The following SLA2 variants were observed in gnomAD, a reference collection of about 807,000 sequenced individuals.
The protein encoded by SLA2 is src-like-adapter 2.
A neutral mutation model predicts 27.3 loss-of-function variants in SLA2; 22 were observed. The ratio of observed to expected loss-of-function variants is 0.81; its 90% CI spans 0.58 to 1.15. SLA2 has a LOEUF of 1.15. Among genes scored for constraint, SLA2 ranks in the 50% most tolerant of loss-of-function variants. SLA2 has a pLI of 0.00. For synonymous variants in SLA2, 131 were observed against 137.8 expected (o/e 0.95, Z 0.34); for missense variants, 304 against 322.2 (o/e 0.94, Z 0.43).
At chr20:36,642,543 A>G (rs1234370456) in intron 1 of SLA2, among the ~76,000 whole-genome samples, 1 of 152,018 alleles carries the variant, frequency 6.6e-6, no homozygotes, top group African/African-American at 2.4e-5. Context: ...AGCTGGGATT[A>G]CAGACATTAG....
intron 1 of SLA2, among the ~76,000 whole-genome samples, chr20:36,642,225 G>A (rs1207314101): frequency 6.0e-5 from 2 of 33,214 alleles, no homozygotes; most frequent in East Asian, 2.1e-3. Flanking sequence ...ATGCAGTGAT[G>A]ACTTGCAAGG....
rs185853679 is a variant in SLA2, at chr20:36,612,677, C to T, written c.*1189G>A. ...TTTCTTCCTCTCCCTGATCCCTTAGCGGATCCAGCAGACCTCTTTCTGTTT... is the reference window on the plus strand; with the variant it reads ...TTTCTTCCTCTCCCTGATCCCTTAGTGGATCCAGCAGACCTCTTTCTGTTT... On this transcript the variant is annotated 3_prime_UTR_variant, in exon 8 of 8. Transcript: ENST00000262866. 3.4e-4 allele frequency: 76 copies of T among 223,126 alleles called. No individual in the cohort carries two copies. In the East Asian group the frequency reaches 7.4e-3, roughly 22 times the overall value. 13.8% of individuals were successfully genotyped at this position (223,126 alleles called of 1,614,324 possible).
At chr20:36,622,438 A>C (rs1298605900) in intron 5 of SLA2, among the ~76,000 whole-genome samples, 1 of 144,142 alleles carries the variant, frequency 6.9e-6, no homozygotes, top group African/African-American at 2.9e-5. Context: ...AACACCCTTC[A>C]TGATTAAAAA....
chr20:36,614,757 A>G (rs1336968289), intron 6 of SLA2: 1 of 985,304 alleles, frequency 1.0e-6, no homozygotes, highest in Admixed American at 6.2e-5. Context: ...CTACTTCCAC[A>G]CAGAGTGACC....
chr20:36,614,201 G>A (rs1295182464), intron 7 of SLA2, 104 bp downstream of exon 7: 1 of 1,572,380 alleles, frequency 6.4e-7, no homozygotes, highest in Non-Finnish European at 8.7e-7. Flanking sequence ...CAGCTGCCAG[G>A]TGTCCCTGAG....
intron 2 of SLA2, among the ~76,000 whole-genome samples, chr20:36,640,410 A>G (rs186254168): frequency 6.6e-6 from 1 of 152,148 alleles, no homozygotes; most frequent in African/African-American, 2.4e-5. Context: ...TTCTGCAACA[A>G]TGGAAATGTT....
At chr20:36,636,427 C>CAAAAAAAAAAAAAAAAAA (rs71186007) in intron 2 of SLA2, among the ~76,000 whole-genome samples, 6 of 61,436 alleles carry the variant, frequency 9.8e-5, no homozygotes, top group African/African-American at 4.2e-4. Context: ...GACTCCGTCT[C>CAAAAAAAAAAAAAAAAAA]AAAAAAAAAA....
chr20:36,613,732 G>T lies in SLA2; in HGVS notation c.*134C>A. The stretch of plus-strand genomic sequence containing the variant: ...AAGAGAGGAAAGAGCAAGGGTACAG[G>T]TGGGACCCTAGATGCACCTCTGTGT... On this transcript the variant is annotated 3_prime_UTR_variant, in exon 8 of 8. Transcript: ENST00000262866. The T allele has an allele frequency of 9.0e-7, 1 of 1,107,260 alleles. No homozygotes were observed. The highest frequency in any genetic ancestry group is 1.3e-6 in the Non-Finnish European group (1 of 780,526). The allele number at this position is 1,107,260 out of a possible 1,614,324, so 68.6% of individuals were successfully genotyped here. A position where few individuals can be genotyped will look rare whatever the true frequency, so the allele number is the denominator to read the frequency against.
chr20:36,614,782 A>G, intron 6 of SLA2: 19 of 985,336 alleles, frequency 1.9e-5, no homozygotes, highest in Non-Finnish European at 2.3e-5. Flanking sequence ...GAAAACCCCT[A>G]ATGAGTTTTC....
intron 4 of SLA2, among the ~76,000 whole-genome samples, chr20:36,633,283 C>T (rs1174251420): frequency 1.3e-5 from 2 of 152,148 alleles, no homozygotes; most frequent in Non-Finnish European, 2.9e-5. Context: ...TCAGCATTTT[C>T]CACCACGAGA....
chr20:36,628,118 C>T (rs2039357875), intron 5 of SLA2, among the ~76,000 whole-genome samples: 1 of 152,130 alleles, frequency 6.6e-6, no homozygotes, highest in African/African-American at 2.4e-5. Flanking sequence ...GATTTCTGAC[C>T]TCTGCCCCCA....
intron 4 of SLA2, among the ~76,000 whole-genome samples, chr20:36,633,253 C>T (rs574198127): frequency 2.0e-5 from 3 of 152,220 alleles, no homozygotes; most frequent in Admixed American, 1.3e-4. Flanking sequence ...CCACATGCTG[C>T]CATCTCCTAC....
intron 5 of SLA2, chr20:36,621,090 T>C (rs1187191049): frequency 1.4e-5 from 5 of 361,356 alleles, no homozygotes; most frequent in South Asian, 2.4e-5. Context: ...GAGGTAGTTA[T>C]GGAGGAGGTG....
At position 36,634,546 on chromosome 20, in the gene SLA2, T is replaced by G; in HGVS notation, c.135A>C (p.Ala45=). The G allele has an allele frequency of 6.2e-7, 1 of 1,611,740 alleles. No individual in the cohort carries two copies. Among genetic ancestry groups the G allele is most frequent in the Non-Finnish European group, 8.5e-7 (1 of 1,178,656 alleles). Residue 45 remains alanine, a synonymous_variant, in exon 3 of 8, where the codon GCA becomes GCC. Transcript: ENST00000262866. The part of the protein sequence containing the change: ...ATAVALGSFP[A]GGPAELSLRL... Reference sequence around the variant, plus strand: ...TCAGCGACAGCTCGGCCGGGCCACCTGCCGGGAAACTGCCCAGGGCCACGG... The same window carrying G: ...TCAGCGACAGCTCGGCCGGGCCACCGGCCGGGAAACTGCCCAGGGCCACGG...
chr20:36,622,471 A>G (rs1424626086), intron 5 of SLA2, among the ~76,000 whole-genome samples: 2 of 152,036 alleles, frequency 1.3e-5, no homozygotes, highest in Non-Finnish European at 2.9e-5. Context: ...AAAACGATGA[A>G]TAGAATATGT....
intron 1 of SLA2, among the ~76,000 whole-genome samples, chr20:36,644,791 G>A (rs1022937426): frequency 4.6e-5 from 7 of 151,600 alleles, no homozygotes; most frequent in Admixed American, 6.6e-5. Flanking sequence ...GGCACTTTCC[G>A]GAGGACATGA....
intron 5 of SLA2, among the ~76,000 whole-genome samples, chr20:36,627,968 C>T (rs1209485280): frequency 6.6e-6 from 1 of 152,238 alleles, no homozygotes; most frequent in Non-Finnish European, 1.5e-5. Flanking sequence ...TGGTCAATGG[C>T]TAATTCCCAT....
chr20:36,617,240 G>A lies in SLA2; in HGVS notation c.383-1866C>T, dbSNP rs6101450. 6.1e-3 allele frequency among the ~76,000 whole-genome samples: 930 copies of A among 151,530 alleles called. 9 individuals carry two copies. The highest frequency in any genetic ancestry group is 0.021 in the African/African-American group (875 of 41,332). On this transcript the variant is annotated intron_variant, in intron 5 of 7. Transcript: ENST00000262866. ...AAATTAGCCAGGTGTGGTGGTGTGCGCCTGTAGTCCCAGCTACTTGGGAGG... is the reference window on the plus strand; with the variant it reads ...AAATTAGCCAGGTGTGGTGGTGTGCACCTGTAGTCCCAGCTACTTGGGAGG...
At chr20:36,621,802 AG>A (rs1290705490) in intron 5 of SLA2, among the ~76,000 whole-genome samples, 1 of 152,020 alleles carries the variant, frequency 6.6e-6, no homozygotes, top group Non-Finnish European at 1.5e-5. Flanking sequence ...ACTTAAGCCC[AG>A]CCAGGAATTT....
Sources: allele counts gnomAD v4.1 joint callset (sites outside exome capture counted in the v4.1 genomes callset), GRCh38; gene constraint gnomAD v4.1.1; transcripts MANE v1.5; gene names NCBI Gene and HGNC (gene_info 2026-07-23, HGNC 2026-07-21).